Variants in METTL15 observed in about 807,000 individuals in gnomAD.
The protein encoded by METTL15 is 12S rRNA N(4)-cytidine methyltransferase METTL15.
A neutral mutation model predicts 38.3 loss-of-function variants in METTL15; 34 were observed. The observed-to-expected ratio is 0.89, with a 90% CI of 0.68 to 1.18. The LOEUF (loss-of-function observed/expected upper bound fraction) is 1.18, where lower values mean the gene tolerates loss of function less well. Ranked by LOEUF, METTL15 falls within the 50% of genes most tolerant of loss-of-function variation. The pLI, the probability that METTL15 is intolerant of heterozygous loss-of-function variation, is 0.00. For missense variants in METTL15, 438 were observed against 498.4 expected, an observed-to-expected ratio of 0.88 and a Z score of 1.15; for synonymous variants, 162 against 170.9, an observed-to-expected ratio of 0.95 and a Z score of 0.41.
chr11:28,422,925 G>A (rs993267103), intron 5 of METTL15, among the ~76,000 whole-genome samples: 2 of 151,940 alleles, frequency 1.3e-5, no homozygotes, highest in African/African-American at 2.4e-5. Flanking sequence ...TAGAATGGGA[G>A]AAAATGTTTG....
At chr11:28,392,740 T>C (rs1177798642) in intron 5 of METTL15, among the ~76,000 whole-genome samples, 1 of 152,074 alleles carries the variant, frequency 6.6e-6, no homozygotes, top group Admixed American at 6.6e-5. Context: ...AGAAAATATT[T>C]GCAAACCACA....
At chr11:28,309,172 GTCT>G in intron 6 of METTL15, among the ~76,000 whole-genome samples, 1 of 152,150 alleles carries the variant, frequency 6.6e-6, no homozygotes, top group East Asian at 1.9e-4. Context: ...CACCAAAATC[GTCT>G]TCTCTTCCTG....
intron 5 of METTL15, among the ~76,000 whole-genome samples, chr11:28,365,411 G>A (rs1850176168): frequency 2.0e-5 from 3 of 152,088 alleles, no homozygotes; most frequent in Admixed American, 2.0e-4. Context: ...AGGAGGTTGT[G>A]TTTCTAAGAA....
Position 28,301,615 on chromosome 11 carries a change from TATA to T in METTL15, c.778+4688_778+4690del, listed in dbSNP as rs568235820. Among the ~76,000 whole-genome samples, 7 of 152,256 alleles carry T rather than the reference TATA, an allele frequency of 4.6e-5. No homozygotes were observed. In the South Asian group the frequency reaches 1.5e-3, roughly 32 times the overall value. On this transcript the variant is annotated intron_variant, in intron 6 of 6. Transcript: ENST00000407364. The stretch of plus-strand genomic sequence containing the variant: ...TTTGAAGACTTAGTTTGAAAAAAAT[TATA>T]ATATTACAAAAATAATTTTATCTTC...
intron 4 of METTL15, among the ~76,000 whole-genome samples, chr11:28,253,636 C>T (rs1312127681): frequency 2.7e-5 from 4 of 148,982 alleles, no homozygotes; most frequent in South Asian, 2.2e-4. Context: ...TCCCTCCCCC[C>T]GCCAACTACC....
At chr11:28,377,199 G>A (rs1450072704) in intron 5 of METTL15, among the ~76,000 whole-genome samples, 2 of 147,966 alleles carry the variant, frequency 1.4e-5, no homozygotes, top group Non-Finnish European at 3.0e-5. Context: ...GAATCTGAAC[G>A]TTGGCCTGCC....
rs185011447 is a variant in METTL15 at position 28,371,572 on chromosome 11, T to C, written c.*358+9536T>C. 3.5e-3 allele frequency among the ~76,000 whole-genome samples: 536 copies of C among 152,144 alleles called. 3 individuals are homozygous for C. Among genetic ancestry groups the C allele is most frequent in the Middle Eastern group, 0.017 (5 of 294 alleles). On this transcript the variant is annotated intron_variant and NMD_transcript_variant, in intron 5 of 7. Transcript: ENST00000532947. ...TTCTTCTATTTCTGTGAAATGACAT[T>C]GATATTTTGAAAGATATTGCATTGA... is the stretch of plus-strand genomic sequence containing the variant.
At chr11:28,313,789 A>G (rs557422926) in intron 6 of METTL15, among the ~76,000 whole-genome samples, 139 of 152,040 alleles carry the variant, frequency 9.1e-4, no homozygotes, top group Non-Finnish European at 8.5e-4. Flanking sequence ...TTGGCCTCCA[A>G]GTGGGAGCTA....
intron 4 of METTL15, among the ~76,000 whole-genome samples, chr11:28,221,496 A>T (rs545839809): frequency 6.6e-6 from 1 of 151,924 alleles, no homozygotes; most frequent in Non-Finnish European, 1.5e-5. Flanking sequence ...CTTCTTTGCC[A>T]TGGGTTTGTA....
At chr11:28,182,694 C>G (rs984980841) in intron 3 of METTL15, among the ~76,000 whole-genome samples, 7 of 152,042 alleles carry the variant, frequency 4.6e-5, no homozygotes, top group African/African-American at 1.7e-4. Context: ...TGGGGTGATG[C>G]CTCCAGCTTT....
intron 5 of METTL15, among the ~76,000 whole-genome samples, chr11:28,387,429 A>C (rs1308138806): frequency 1.1e-4 from 16 of 151,958 alleles, no homozygotes. Context: ...GTACATTAAA[A>C]ACTGGATAAC....
At chr11:28,239,188 C>CGCTT in intron 4 of METTL15, among the ~76,000 whole-genome samples, 1 of 152,262 alleles carries the variant, frequency 6.6e-6, no homozygotes, top group African/African-American at 2.4e-5. Context: ...CTGGCATTTC[C>CGCTT]ACTTAGCTGG....
chr11:28,424,459 AAGAC>A (rs1850847885), intron 6 of METTL15: 1 of 152,216 alleles, frequency 6.6e-6, no homozygotes, highest in Non-Finnish European at 1.5e-5. Context: ...ACATATGACA[AAGAC>A]AGGTAGGAGG....
chr11:28,269,151 G>A (rs1855545271), intron 4 of METTL15, among the ~76,000 whole-genome samples: 1 of 152,138 alleles, frequency 6.6e-6, no homozygotes, highest in African/African-American at 2.4e-5. Context: ...TTATTGGAGT[G>A]TAACAAAGTT....
Position 28,333,406 on chromosome 11 carries a change from G to C in METTL15, c.*2565G>C, listed in dbSNP as rs963266724. 4.6e-5 allele frequency: 7 copies of C among 152,146 alleles called. No homozygotes were observed. Among genetic ancestry groups the C allele is most frequent in the Non-Finnish European group, 8.8e-5 (6 of 68,024 alleles). 9.4% of individuals were successfully genotyped at this position (152,146 alleles called of 1,614,324 possible). ...TACATGAATGAGTTTTAAATGGTTA[G>C]CTTTGGAGAATGGTTTTGGGAAGTT... On this transcript the variant is annotated 3_prime_UTR_variant, in exon 7 of 7. Coordinates refer to ENST00000407364, the MANE Select transcript of METTL15 (RefSeq NM_001113528.2).
chr11:28,299,920 T>A (rs1458529044), intron 6 of METTL15, among the ~76,000 whole-genome samples: 3 of 152,082 alleles, frequency 2.0e-5, no homozygotes, highest in African/African-American at 7.2e-5. Context: ...TCTGCCTCCA[T>A]AGTCACTTGG....
chr11:28,255,922 C>T (rs186382318), intron 4 of METTL15, among the ~76,000 whole-genome samples: 32 of 152,266 alleles, frequency 2.1e-4, no homozygotes, highest in South Asian at 4.1e-4. Context: ...AGGCTGGTCT[C>T]GAACTCCCAA....
chr11:28,371,440 T>G (rs531309696), intron 5 of METTL15, among the ~76,000 whole-genome samples: 9 of 152,170 alleles, frequency 5.9e-5, no homozygotes, highest in African/African-American at 2.2e-4. Context: ...CTTTGTAGCA[T>G]ATTTGGAAGT....
chr11:28,201,320 G>A (rs974878758), intron 3 of METTL15, among the ~76,000 whole-genome samples: 2 of 152,096 alleles, frequency 1.3e-5, no homozygotes, highest in Non-Finnish European at 2.9e-5. Context: ...TTTTAGCATC[G>A]ATGTTCATCA....
Sources: allele counts gnomAD v4.1 joint callset (sites outside exome capture counted in the v4.1 genomes callset), GRCh38; gene constraint gnomAD v4.1.1; transcripts MANE v1.5; gene names NCBI Gene and HGNC (gene_info 2026-07-23, HGNC 2026-07-21).